The following KIAA2012 variants were observed in gnomAD, a reference collection of about 807,000 sequenced individuals.
The protein encoded by KIAA2012 is KIAA2012.
In KIAA2012, 125 loss-of-function variants were observed where a neutral mutation model predicts 150.6. That is an observed-to-expected ratio of 0.83 (90% CI 0.72 to 0.96). The LOEUF is 0.96. Among genes scored for constraint, KIAA2012 ranks in the 40% least tolerant of loss-of-function variants. The pLI is 0.00. For missense variants in KIAA2012, 1,219 were observed against 1,354.9 expected, an observed-to-expected ratio of 0.90 and a Z score of 1.57; for synonymous variants, 462 against 504.7, an observed-to-expected ratio of 0.92 and a Z score of 1.13.
At chr2:202,187,147 C>T (rs1193419916) in intron 17 of KIAA2012, 49 bp downstream of exon 17, 1 of 1,533,812 alleles carries the variant, frequency 6.5e-7, no homozygotes, top group African/African-American at 1.4e-5. Context: ...ACTTGGATCT[C>T]ATCAAGGATA....
At chr2:202,172,545 AC>A (rs1229636164) in intron 15 of KIAA2012, among the ~76,000 whole-genome samples, 1 of 152,200 alleles carries the variant, frequency 6.6e-6, no homozygotes, top group Non-Finnish European at 1.5e-5. Flanking sequence ...AATTATTAAA[AC>A]CAGGGTAACT....
chr2:202,157,062 C>T (rs1691544087), intron 14 of KIAA2012, among the ~76,000 whole-genome samples: 2 of 152,140 alleles, frequency 1.3e-5, no homozygotes, highest in Admixed American at 1.3e-4. Context: ...TTCCTGTCCA[C>T]CTCCCTCAAG....
chr2:202,109,902 G>T, intron 10 of KIAA2012, 113 bp downstream of exon 10: 1 of 908,672 alleles, frequency 1.1e-6, no homozygotes, highest in Non-Finnish European at 1.6e-6. Context: ...ATTGAAAAGG[G>T]GTAATTGACA....
At position 202,194,352 on chromosome 2, in the gene KIAA2012, C is replaced by T. The variant is rs533785837; in HGVS notation, c.3177C>T (p.Ala1059=). The change falls in exon 21 of 24, where the codon GCC becomes GCT. Residue 1059 remains alanine (A), a synonymous_variant. Transcript: ENST00000498697. The stretch of plus-strand genomic sequence containing the variant: ...AGAGAAAAAAGCAGCAGGAGGAAGC[C>T]GAGAGGGCCGGTGAGGGGGTTCTTG... ...ELQRKKQQEE[A]ERAEAEKQRQ... 16 of 1,549,808 alleles carry T rather than the reference C, an allele frequency of 1.0e-5. No homozygotes were observed. Among genetic ancestry groups the T allele is most frequent in the South Asian group, 7.1e-5 (6 of 84,006 alleles).
At chr2:202,122,462 A>G (rs926436171) in intron 11 of KIAA2012, among the ~76,000 whole-genome samples, 7 of 151,394 alleles carry the variant, frequency 4.6e-5, no homozygotes, top group Admixed American at 1.3e-4. Context: ...AAAATTGGCT[A>G]CAATGCTCAT....
At chr2:202,166,340 A>AT (rs924493142) in intron 15 of KIAA2012, among the ~76,000 whole-genome samples, 6 of 152,200 alleles carry the variant, frequency 3.9e-5, no homozygotes, top group East Asian at 3.9e-4. Flanking sequence ...GTGCCAAGGA[A>AT]TTTTTTTTAA....
chr2:202,186,380 T>C (rs2105743409), intron 16 of KIAA2012, among the ~76,000 whole-genome samples: 1 of 151,960 alleles, frequency 6.6e-6, no homozygotes, highest in East Asian at 1.9e-4. Context: ...GACGTGGTGG[T>C]GGGCGCCTGT....
At chr2:202,136,760 C>G (rs1000072539) in intron 12 of KIAA2012, 3 of 152,356 alleles carry the variant, frequency 2.0e-5, no homozygotes, top group Non-Finnish European at 4.4e-5. Flanking sequence ...CAGGCCTCGA[C>G]CAGCCCCAGA....
At chr2:202,189,718 T>G (rs1692292941) in intron 18 of KIAA2012, among the ~76,000 whole-genome samples, 1 of 152,170 alleles carries the variant, frequency 6.6e-6, no homozygotes, top group South Asian at 2.1e-4. Context: ...ACAATGCAGA[T>G]TCCCACTGAA....
At chr2:202,117,350 CT>C (rs1445776416) in intron 11 of KIAA2012, among the ~76,000 whole-genome samples, 1 of 152,204 alleles carries the variant, frequency 6.6e-6, no homozygotes, top group Non-Finnish European at 1.5e-5. Flanking sequence ...GGCTAAGTGA[CT>C]GTTCTCCCAT....
chr2:202,129,949 G>A (rs1465777269), intron 12 of KIAA2012, among the ~76,000 whole-genome samples: 4 of 152,222 alleles, frequency 2.6e-5, no homozygotes, highest in East Asian at 3.9e-4. Context: ...AGCCAGCCTC[G>A]CAGCACTCAC....
intron 14 of KIAA2012, among the ~76,000 whole-genome samples, chr2:202,163,357 C>T (rs188125138): frequency 1.3e-5 from 2 of 152,222 alleles, no homozygotes; most frequent in Non-Finnish European, 2.9e-5. Context: ...CCACCTCAGC[C>T]TCCCAAAGTG....
intron 7 of KIAA2012, among the ~76,000 whole-genome samples, chr2:202,101,454 C>A (rs573088763): frequency 6.6e-6 from 1 of 152,214 alleles, no homozygotes; most frequent in Non-Finnish European, 1.5e-5. Context: ...CAAGGAAAGC[C>A]CTCGACTTTG....
chr2:202,138,560 T>G, intron 13 of KIAA2012, 52 bp downstream of exon 13: 1 of 1,400,652 alleles, frequency 7.1e-7, no homozygotes, highest in Non-Finnish European at 9.8e-7. Flanking sequence ...AACTCTTGGG[T>G]TCTTGTTTCA....
intron 7 of KIAA2012, among the ~76,000 whole-genome samples, chr2:202,102,453 G>T (rs994396041): frequency 2.6e-5 from 4 of 152,176 alleles, no homozygotes; most frequent in Non-Finnish European, 4.4e-5. Context: ...TAAGTAGTAT[G>T]ATTACTCCTG....
chr2:202,156,323 C>G (rs1691523519), intron 14 of KIAA2012, among the ~76,000 whole-genome samples: 1 of 152,140 alleles, frequency 6.6e-6, no homozygotes, highest in African/African-American at 2.4e-5. Context: ...GAAACTATCC[C>G]TTTTATTCTT....
chr2:202,164,177 G>A (rs1438758074), intron 14 of KIAA2012, among the ~76,000 whole-genome samples: 3 of 151,922 alleles, frequency 2.0e-5, no homozygotes, highest in Admixed American at 1.3e-4. Context: ...GGATCCAGGT[G>A]ACAAAGGCCC....
chr2:202,145,224 G>A (rs1232970702), intron 13 of KIAA2012, among the ~76,000 whole-genome samples: 1 of 152,102 alleles, frequency 6.6e-6, no homozygotes, highest in Non-Finnish European at 1.5e-5. Flanking sequence ...CACTGCCAAC[G>A]TTCACCTATT....
chr2:202,149,618 A>C (rs545285513), intron 13 of KIAA2012, among the ~76,000 whole-genome samples: 2 of 152,208 alleles, frequency 1.3e-5, no homozygotes, highest in Non-Finnish European at 2.9e-5. Context: ...TCTTGGAGCC[A>C]TTAAACCGCA....
Sources: gnomAD v4.1 joint callset for allele counts (sites outside exome capture counted in the v4.1 genomes callset) on GRCh38, gnomAD v4.1.1 for gene constraint, MANE v1.5 for transcripts, NCBI Gene and HGNC (gene_info 2026-07-23, HGNC 2026-07-21) for gene names.